GALNT14: variants seen among roughly 807,000 people sequenced by gnomAD.
GALNT14 encodes polypeptide N-acetylgalactosaminyltransferase 14.
GALNT14 carries 60 observed loss-of-function variants against 77.5 expected under a neutral mutation model. The observed-to-expected ratio is 0.77, with a 90% CI of 0.63 to 0.96. The LOEUF (loss-of-function observed/expected upper bound fraction) is 0.96, where lower values mean the gene tolerates loss of function less well. GALNT14 is among the 40% of genes least tolerant of loss of function. The pLI is 0.00. For synonymous variants in GALNT14, 280 were observed against 281.7 expected (o/e 0.99, Z 0.06); for missense variants, 710 against 731.0 (o/e 0.97, Z 0.33).
chr2:31,126,975 T>C (rs1177318875), intron 1 of GALNT14: 1 of 152,228 alleles, frequency 6.6e-6, no homozygotes, highest in African/African-American at 2.4e-5. Flanking sequence ...TGGAAACTGC[T>C]AGGCTCTGAC....
In GALNT14 at chr2:31,121,635, T is replaced by C. The variant is rs193069429; in HGVS notation, c.129+16323A>G. On this transcript the variant is annotated intron_variant, in intron 1 of 14. Transcript: ENST00000349752. Reference sequence around the variant, plus strand: ...GTCACTCATGCTGAGTCCTGCCACCTTAGGAAGACCTCGCTGCCCACTGCC... The same window carrying C: ...GTCACTCATGCTGAGTCCTGCCACCCTAGGAAGACCTCGCTGCCCACTGCC... Among the ~76,000 whole-genome samples the C allele has an allele frequency of 2.2e-3, 332 of 152,256 alleles. 2 individuals carry two copies. Among genetic ancestry groups the C allele is most frequent in the African/African-American group, 7.8e-3 (324 of 41,554 alleles).
chr2:30,929,475 C>T lies in GALNT14; in HGVS notation c.1071G>A (p.Arg357=). 1 of 1,613,942 alleles carries T rather than the reference C, an allele frequency of 6.2e-7. No homozygotes were observed. Among genetic ancestry groups the T allele is most frequent in the African/African-American group, 1.3e-5 (1 of 75,052 alleles). The change falls in exon 11 of 15, where the codon CGG becomes CGA. Residue 357 remains arginine, a synonymous_variant. Transcript: ENST00000349752. The part of the protein sequence containing the change: ...NANTYIKNTK[R]TAEVWMDEYK... ...ATTCATCCATCCACACTTCAGCTGT[C>T]CGCTTGGTGTTCCTGGGAAAACAAG...
the GALNT14 span, among the ~76,000 whole-genome samples, chr2:30,896,529 T>G: frequency 1.3e-5 from 2 of 152,168 alleles, no homozygotes; most frequent in Admixed American, 6.5e-5. Context: ...TAGCTATTAT[T>G]ATATAGCTAC....
intron 1 of GALNT14, among the ~76,000 whole-genome samples, chr2:31,047,575 C>A (rs1206355035): frequency 6.6e-6 from 1 of 152,210 alleles, no homozygotes; most frequent in Non-Finnish European, 1.5e-5. Context: ...GGCCCCAAGG[C>A]ATTCCCTAGT....
At chr2:30,908,828 C>A (rs1664217160), downstream of GALNT14, among the ~76,000 whole-genome samples, 1 of 147,170 alleles carries the variant, frequency 6.8e-6, no homozygotes, top group Admixed American at 6.7e-5. Flanking sequence ...GCTACAGTAA[C>A]CAAAACAGCA....
rs1414858565 is a variant in GALNT14, at chr2:30,992,916, TA to T, written c.220del (p.Tyr74IlefsTer26). 1 of 1,614,184 alleles carries T rather than the reference TA, an allele frequency of 6.2e-7. No homozygotes were observed. Among genetic ancestry groups the T allele is most frequent in the Admixed American group, 1.7e-5 (1 of 60,028 alleles). ...CCGCTGGTTGAAAGCATACAGCTTATAGGGGTCGTCACCAACGCGCCACTTT... is the reference window on the plus strand; with the variant it reads ...CCGCTGGTTGAAAGCATACAGCTTATGGGGTCGTCACCAACGCGCCACTTT... ...AKKWRVGDDP[Y>X]KLYAFNQRES... On this transcript the variant is annotated frameshift_variant, in exon 2 of 15. Coordinates refer to ENST00000349752, the MANE Select transcript of GALNT14 (RefSeq NM_024572.4). LOFTEE classifies it high-confidence loss of function.
chr2:31,008,250 G>A (rs1477029550), intron 1 of GALNT14, among the ~76,000 whole-genome samples: 1 of 152,040 alleles, frequency 6.6e-6, no homozygotes, highest in Non-Finnish European at 1.5e-5. Context: ...CACCATGCCT[G>A]GCTGATTTCT....
intron 1 of GALNT14, among the ~76,000 whole-genome samples, chr2:31,069,963 G>T (rs750308330): frequency 6.6e-6 from 1 of 152,104 alleles, no homozygotes; most frequent in East Asian, 1.9e-4. Context: ...GGCCTGGACC[G>T]AGAGAAGAGG....
chr2:30,942,063 A>G, intron 9 of GALNT14, 138 bp downstream of exon 9: 1 of 581,006 alleles, frequency 1.7e-6, no homozygotes, highest in Non-Finnish European at 3.1e-6. Flanking sequence ...AGAGTAACTC[A>G]CCATCTCCCA....
intron 1 of GALNT14, among the ~76,000 whole-genome samples, chr2:31,046,460 C>T (rs1006214573): frequency 2.0e-5 from 3 of 152,114 alleles, no homozygotes; most frequent in African/African-American, 7.2e-5. Flanking sequence ...GATCTCCTGA[C>T]GTCATGATCC....
chr2:30,951,748 G>A (rs763112529), intron 6 of GALNT14, among the ~76,000 whole-genome samples: 2 of 152,158 alleles, frequency 1.3e-5, no homozygotes, highest in African/African-American at 2.4e-5. Context: ...CTGCTGTGAC[G>A]GCTGCACCCA....
At chr2:31,012,139 C>G (rs1236138667) in intron 1 of GALNT14, among the ~76,000 whole-genome samples, 2 of 152,162 alleles carry the variant, frequency 1.3e-5, no homozygotes, top group Non-Finnish European at 2.9e-5. Flanking sequence ...GTCTTTAGAC[C>G]TGTATTTAAT....
chr2:30,999,276 T>C (rs1240491257), intron 1 of GALNT14, among the ~76,000 whole-genome samples: 3 of 152,204 alleles, frequency 2.0e-5, no homozygotes, highest in Non-Finnish European at 2.9e-5. Flanking sequence ...CTTAAAGAAC[T>C]GCAACTTCTA....
At chr2:31,022,819 A>C (rs1671804012) in intron 1 of GALNT14, among the ~76,000 whole-genome samples, 1 of 152,248 alleles carries the variant, frequency 6.6e-6, no homozygotes, top group African/African-American at 2.4e-5. Context: ...GGTTCTCTGT[A>C]GATTTTCTAA....
intron 3 of GALNT14, among the ~76,000 whole-genome samples, chr2:30,965,239 C>T (rs778313017): frequency 9.9e-5 from 15 of 152,244 alleles, no homozygotes; most frequent in East Asian, 1.9e-4. Flanking sequence ...ACTGGCTAGG[C>T]GACACTGGAC....
Position 31,086,863 on chromosome 2 carries a change from A to G in GALNT14, c.129+51095T>C, listed in dbSNP as rs1368749817. On this transcript the variant is annotated intron_variant, in intron 1 of 14. Coordinates refer to ENST00000349752, the MANE Select transcript of GALNT14 (RefSeq NM_024572.4). Reference sequence around the variant, plus strand: ...ACTAGACAACCTCCAAGGGTCTTTCAAGGTCATAAATTCTACAAAGACTTA... The same window carrying G: ...ACTAGACAACCTCCAAGGGTCTTTCGAGGTCATAAATTCTACAAAGACTTA... Among the ~76,000 whole-genome samples, 3 of 152,294 alleles carry G rather than the reference A, an allele frequency of 2.0e-5. No homozygotes were observed. The East Asian group carries it at 5.8e-4, about 29-fold the overall frequency.
At chr2:31,094,187 G>A (rs1676891906) in intron 1 of GALNT14, among the ~76,000 whole-genome samples, 2 of 152,182 alleles carry the variant, frequency 1.3e-5, no homozygotes, top group Admixed American at 6.5e-5. Flanking sequence ...CAACCCTTAA[G>A]AAGGTTCTTT....
chr2:31,080,626 G>A (rs1261254568), intron 1 of GALNT14, among the ~76,000 whole-genome samples: 1 of 152,194 alleles, frequency 6.6e-6, no homozygotes, highest in Non-Finnish European at 1.5e-5. Context: ...ACTTATTAAA[G>A]AAAACCCCCT....
At chr2:31,019,481 G>C (rs1265916227) in intron 1 of GALNT14, among the ~76,000 whole-genome samples, 1 of 152,124 alleles carries the variant, frequency 6.6e-6, no homozygotes, top group Non-Finnish European at 1.5e-5. Flanking sequence ...ACCACTCTCT[G>C]AGAAGCTATC....
Sources: allele counts gnomAD v4.1 joint callset (sites outside exome capture counted in the v4.1 genomes callset), GRCh38; gene constraint gnomAD v4.1.1; transcripts MANE v1.5; gene names NCBI Gene and HGNC (gene_info 2026-07-23, HGNC 2026-07-21).